Variants in PPM1B observed in about 807,000 individuals in gnomAD.
PPM1B encodes the protein protein phosphatase, Mg2+/Mn2+ dependent 1B.
In PPM1B, 22 loss-of-function variants were observed where a neutral mutation model predicts 43.0. The ratio of observed to expected loss-of-function variants is 0.51; its 90% confidence interval spans 0.37 to 0.73. The LOEUF (loss-of-function observed/expected upper bound fraction) is 0.73. PPM1B is among the 30% of genes least tolerant of loss of function. PPM1B has a pLI of 0.00. For missense variants in PPM1B, 632 were observed against 584.2 expected, an observed-to-expected ratio of 1.08 and a Z score of -0.84; for synonymous variants, 217 against 197.9, an observed-to-expected ratio of 1.10 and a Z score of -0.81.
intron 5 of PPM1B, among the ~76,000 whole-genome samples, chr2:44,241,749 CA>C (rs1216627032): frequency 1.3e-5 from 2 of 148,420 alleles, no homozygotes; most frequent in African/African-American, 5.0e-5. Context: ...AAAATGTCTT[CA>C]AAATGATTAT....
intron 5 of PPM1B, among the ~76,000 whole-genome samples, chr2:44,228,069 C>G (rs970793400): frequency 2.6e-5 from 4 of 151,364 alleles, no homozygotes; most frequent in African/African-American, 4.9e-5. Context: ...ATTGCAGGCA[C>G]TTGCCACTGC....
At chr2:44,182,466 G>A (rs553522530) in intron 1 of PPM1B, among the ~76,000 whole-genome samples, 235 of 152,048 alleles carry the variant, frequency 1.5e-3, no homozygotes, top group African/African-American at 5.3e-3. Flanking sequence ...TCTCCATGTT[G>A]GTCAGGCTGG....
At chr2:44,227,803 A>C (rs1283640742) in intron 5 of PPM1B, among the ~76,000 whole-genome samples, 2 of 151,702 alleles carry the variant, frequency 1.3e-5, no homozygotes, top group Non-Finnish European at 2.9e-5. Flanking sequence ...TACAGGCATG[A>C]GCTACTGTGC....
At chr2:44,169,875 C>G (rs1368719710) in intron 1 of PPM1B, among the ~76,000 whole-genome samples, 2 of 152,154 alleles carry the variant, frequency 1.3e-5, no homozygotes, top group Non-Finnish European at 2.9e-5. Context: ...GATGTCATTC[C>G]TAACAGTGAA....
At chr2:44,233,147 A>G (rs1337604464), downstream of PPM1B, 1 of 970,964 alleles carries the variant, frequency 1.0e-6, no homozygotes, top group Non-Finnish European at 1.2e-6. Context: ...TTTGTTTTAC[A>G]TGTGGGTTTC....
At chr2:44,234,435 C>A, downstream of PPM1B, 2 of 624,014 alleles carry the variant, frequency 3.2e-6, no homozygotes, top group Non-Finnish European at 4.0e-6. Flanking sequence ...AGAAGAATTG[C>A]TTGAACCCAG....
At chr2:44,204,365 C>T (rs926458515) in intron 2 of PPM1B, among the ~76,000 whole-genome samples, 3 of 152,096 alleles carry the variant, frequency 2.0e-5, no homozygotes, top group Non-Finnish European at 4.4e-5. Context: ...CAGTAGTTAC[C>T]TGCTGTAAGA....
chr2:44,194,318 T>C (rs1284737011), intron 1 of PPM1B, among the ~76,000 whole-genome samples: 7 of 152,208 alleles, frequency 4.6e-5, no homozygotes, highest in Non-Finnish European at 7.3e-5. Context: ...TTATGGAGTA[T>C]TCCTGTGTGT....
chr2:44,234,180 A>G (rs995078464), downstream of PPM1B: 9 of 982,026 alleles, frequency 9.2e-6, no homozygotes, highest in East Asian at 9.1e-4. Context: ...GTACAGGACA[A>G]TATTAACCCC....
intron 3 of PPM1B, among the ~76,000 whole-genome samples, chr2:44,214,323 C>T (rs1669620263): frequency 6.6e-6 from 1 of 152,048 alleles, no homozygotes; most frequent in African/African-American, 2.4e-5. Flanking sequence ...CCCGCCTCGG[C>T]CTCCCAAAGT....
At chr2:44,197,488 C>T (rs1305274992) in intron 1 of PPM1B, among the ~76,000 whole-genome samples, 1 of 152,200 alleles carries the variant, frequency 6.6e-6, no homozygotes, top group Non-Finnish European at 1.5e-5. Context: ...CATTACTCTT[C>T]TGTTAACTAA....
chr2:44,190,156 T>G (rs1668337242), intron 1 of PPM1B, among the ~76,000 whole-genome samples: 2 of 16,796 alleles, frequency 1.2e-4, no homozygotes, highest in Admixed American at 2.1e-3. Context: ...GTTTATTTGA[T>G]TTTTTTTTTT....
chr2:44,207,181 A>T (rs866213576), intron 2 of PPM1B, among the ~76,000 whole-genome samples: 2 of 152,144 alleles, frequency 1.3e-5, no homozygotes, highest in Non-Finnish European at 2.9e-5. Flanking sequence ...ACTCCCATTG[A>T]ATTAGGAGGT....
chr2:44,246,602 T>C (rs1300198882), downstream of PPM1B, among the ~76,000 whole-genome samples: 2 of 152,230 alleles, frequency 1.3e-5, no homozygotes, highest in African/African-American at 4.8e-5. Context: ...CTGATCCACT[T>C]ATCTGCTCAT....
intron 5 of PPM1B, among the ~76,000 whole-genome samples, chr2:44,225,943 A>G (rs896290929): frequency 1.3e-5 from 2 of 150,128 alleles, no homozygotes; most frequent in East Asian, 2.0e-4. Context: ...GGCATGAGCC[A>G]CCGTGCCTGG....
intron 2 of PPM1B, among the ~76,000 whole-genome samples, chr2:44,204,523 A>G (rs1275533404): frequency 6.6e-6 from 1 of 152,172 alleles, no homozygotes; most frequent in Non-Finnish European, 1.5e-5. Context: ...GGTTATCATA[A>G]TCATAATCGT....
chr2:44,178,950 G>C (rs1459370930), intron 1 of PPM1B, among the ~76,000 whole-genome samples: 1 of 152,036 alleles, frequency 6.6e-6, no homozygotes, highest in Non-Finnish European at 1.5e-5. Context: ...TAGATATTTT[G>C]CATTCTTTTA....
In PPM1B at chr2:44,231,121, T is replaced by A; in HGVS notation, c.*403T>A. The A allele has an allele frequency of 1.1e-6, 1 of 929,482 alleles. No homozygotes were observed. Among genetic ancestry groups the A allele is most frequent in the Non-Finnish European group, 1.3e-6 (1 of 779,048 alleles). 57.6% of individuals were successfully genotyped at this position (929,482 alleles called of 1,614,324 possible). A position where few individuals can be genotyped will look rare whatever the true frequency, so the allele number is the denominator to read the frequency against. On this transcript the variant is annotated 3_prime_UTR_variant, in exon 6 of 6. Coordinates refer to ENST00000282412, the MANE Select transcript of PPM1B (RefSeq NM_002706.6). ...ATTAGTACACTCATAGTTAGCTTTG[T>A]AATAAATTTATGTTTTCTTTAATAA... is the stretch of plus-strand genomic sequence containing the variant.
chr2:44,192,190 G>GTTATGGTATTGTATTGTATT (rs1553329837), intron 1 of PPM1B, among the ~76,000 whole-genome samples: 51 of 143,642 alleles, frequency 3.6e-4, no homozygotes, highest in Non-Finnish European at 4.4e-4. Context: ...GTTATGTTAT[G>GTTATGGTATTGTATTGTATT]GTATTGTATT....
Sources: gnomAD v4.1 joint callset for allele counts (sites outside exome capture counted in the v4.1 genomes callset) on GRCh38, gnomAD v4.1.1 for gene constraint, MANE v1.5 for transcripts, NCBI Gene and HGNC (gene_info 2026-07-23, HGNC 2026-07-21) for gene names.